The following NOX4 variants were observed in gnomAD, a reference collection of about 807,000 sequenced individuals.
The protein encoded by NOX4 is NADPH oxidase 4.
A neutral mutation model predicts 87.6 loss-of-function variants in NOX4; 69 were observed. The observed-to-expected ratio is 0.79, with a 90% CI of 0.65 to 0.96. The LOEUF (loss-of-function observed/expected upper bound fraction) is 0.96, where lower values mean the gene tolerates loss of function less well. NOX4 is among the 40% of genes least tolerant of loss of function. The probability of loss-of-function intolerance (pLI) is 0.00; values close to 1 mark genes in which losing one functional copy is unlikely to be tolerated. For synonymous variants in NOX4, 275 were observed against 238.2 expected (o/e 1.15, Z -1.42); for missense variants, 680 against 681.5 (o/e 1.00, Z 0.02).
At chr11:89,582,985 A>C in the NOX4 span, among the ~76,000 whole-genome samples, 8 of 152,180 alleles carry the variant, frequency 5.3e-5, no homozygotes, top group African/African-American at 7.2e-5. Flanking sequence ...TAAATAACTG[A>C]ATCACATACA....
chr11:89,506,624 A>G, the NOX4 span, among the ~76,000 whole-genome samples: 1 of 151,804 alleles, frequency 6.6e-6, no homozygotes, highest in African/African-American at 2.4e-5. Context: ...TTCAAAAGTT[A>G]CTGTTAAGAG....
At chr11:89,491,114 C>A (rs1946833587) in intron 1 of NOX4, 76 bp downstream of exon 1, 8 of 1,387,976 alleles carry the variant, frequency 5.8e-6, no homozygotes, top group East Asian at 2.3e-5. Context: ...GCTTCCCACC[C>A]GTGCACGCTC....
chr11:89,336,774 G>A (rs949115424), intron 16 of NOX4, among the ~76,000 whole-genome samples: 7 of 151,958 alleles, frequency 4.6e-5, no homozygotes, highest in Admixed American at 6.6e-5. Context: ...GTAGAAATAC[G>A]ACTGGAAAAC....
the NOX4 span, among the ~76,000 whole-genome samples, chr11:89,558,892 T>C: frequency 1.3e-4 from 20 of 152,038 alleles, no homozygotes; most frequent in Admixed American, 1.2e-3. Context: ...CCATCACAAA[T>C]CATAAGTGCA....
chr11:89,482,048 G>A (rs746828579), intron 2 of NOX4, among the ~76,000 whole-genome samples: 1 of 151,994 alleles, frequency 6.6e-6, no homozygotes, highest in African/African-American at 2.4e-5. Flanking sequence ...ACTCCTCAGA[G>A]GTGCTAATTT....
chr11:89,569,802 G>C, the NOX4 span, among the ~76,000 whole-genome samples: 1 of 151,836 alleles, frequency 6.6e-6, no homozygotes, highest in South Asian at 2.1e-4. Context: ...AGGAGATCGA[G>C]ACCATCTTGG....
the NOX4 span, among the ~76,000 whole-genome samples, chr11:89,564,555 G>A: frequency 6.6e-6 from 1 of 152,016 alleles, no homozygotes; most frequent in Non-Finnish European, 1.5e-5. Context: ...ACCACATCAT[G>A]AACCTTGAAT....
the NOX4 span, among the ~76,000 whole-genome samples, chr11:89,510,966 C>T: frequency 1.1e-4 from 17 of 151,976 alleles, no homozygotes; most frequent in African/African-American, 4.1e-4. Flanking sequence ...ATCTCTTTTC[C>T]TCCTGCTTCA....
In NOX4 at chr11:89,451,766, T is replaced by G; in HGVS notation, c.264+19A>C. ...TGATTTTTATGCTGGAATTTGAAAGTAGGACTGTTTTTTCTTACCTTCTGT... is the reference window on the plus strand; with the variant it reads ...TGATTTTTATGCTGGAATTTGAAAGGAGGACTGTTTTTTCTTACCTTCTGT... On this transcript the variant is annotated intron_variant, in intron 3 of 17. Coordinates refer to ENST00000263317, the MANE Select transcript of NOX4 (RefSeq NM_016931.5). 2 of 1,503,168 alleles carry G rather than the reference T, an allele frequency of 1.3e-6. No homozygotes were observed. Among genetic ancestry groups the G allele is most frequent in the Non-Finnish European group, 1.9e-6 (2 of 1,079,396 alleles). 93.1% of individuals were successfully genotyped at this position (1,503,168 alleles called of 1,614,324 possible).
At chr11:89,422,439 T>C (rs1355816039) in intron 7 of NOX4, among the ~76,000 whole-genome samples, 1 of 152,150 alleles carries the variant, frequency 6.6e-6, no homozygotes, top group Non-Finnish European at 1.5e-5. Context: ...ACCAAAGTGT[T>C]ATATTTTTTC....
At chr11:89,545,945 C>A in the NOX4 span, among the ~76,000 whole-genome samples, 2 of 152,138 alleles carry the variant, frequency 1.3e-5, no homozygotes, top group Non-Finnish European at 2.9e-5. Context: ...TTATGGCACA[C>A]CCATCAGCCC....
chr11:89,430,317 C>T (rs1430576359), intron 7 of NOX4, among the ~76,000 whole-genome samples: 3 of 152,114 alleles, frequency 2.0e-5, no homozygotes, highest in Non-Finnish European at 2.9e-5. Flanking sequence ...CCTCTCTCAC[C>T]CCTCCTATTC....
At chr11:89,430,156 C>T (rs2135303273) in intron 7 of NOX4, among the ~76,000 whole-genome samples, 1 of 152,272 alleles carries the variant, frequency 6.6e-6, no homozygotes, top group East Asian at 1.9e-4. Context: ...TTCAACAACC[C>T]TTCATGCTAA....
At chr11:89,463,244 C>T (rs1945549220) in intron 2 of NOX4, among the ~76,000 whole-genome samples, 1 of 151,880 alleles carries the variant, frequency 6.6e-6, no homozygotes, top group East Asian at 1.9e-4. Context: ...CTGAATTCTA[C>T]ATCCTAGATC....
At chr11:89,456,926 C>T (rs1344811557) in intron 2 of NOX4, among the ~76,000 whole-genome samples, 1 of 152,124 alleles carries the variant, frequency 6.6e-6, no homozygotes, top group Non-Finnish European at 1.5e-5. Flanking sequence ...TGGGATGGGA[C>T]CAGTCCAAAT....
chr11:89,340,957 C>A (rs750674802), intron 14 of NOX4, among the ~76,000 whole-genome samples: 4 of 151,660 alleles, frequency 2.6e-5, no homozygotes, highest in Non-Finnish European at 5.9e-5. Flanking sequence ...TTTATTATTG[C>A]TTTTTTGGTT....
At position 89,444,172 on chromosome 11, in the gene NOX4, T is replaced by C. The variant is rs181612750; in HGVS notation, c.410A>G (p.Asp137Gly). 11 of 1,613,570 alleles carry C rather than the reference T, an allele frequency of 6.8e-6. No homozygotes were observed. In the East Asian group the frequency reaches 2.0e-4, roughly 29 times the overall value. The change falls in exon 5 of 18, where the codon GAC becomes GGC. Residue 137 changes from aspartate (D) to glycine (G), a missense_variant. Physicochemically the swap from Asp to Gly is moderately conservative, Grantham distance 94. Coordinates refer to ENST00000263317, the MANE Select transcript of NOX4 (RefSeq NM_016931.5). The part of the protein sequence containing the change: ...ALNFSVNYSE[D>G]FVELNAARYR... ...TCTTGCTGCATTCAGTTCAACAAAG[T>C]CTTCACTGTAATTCACTGAGAAGTT...
chr11:89,438,576 CTATATAT>C (rs1944223759), intron 6 of NOX4, among the ~76,000 whole-genome samples: 1 of 80,536 alleles, frequency 1.2e-5, no homozygotes, highest in South Asian at 4.2e-4. Flanking sequence ...ATAATATATA[CTATATAT>C]TATATACTAT....
chr11:89,506,207 T>TAGAA, the NOX4 span, among the ~76,000 whole-genome samples: 2 of 94,582 alleles, frequency 2.1e-5, no homozygotes, highest in African/African-American at 4.3e-5. Context: ...TGTCCATTTG[T>TAGAA]AGAAAGAAAG....
Sources: allele counts gnomAD v4.1 joint callset (sites outside exome capture counted in the v4.1 genomes callset), GRCh38; gene constraint gnomAD v4.1.1; transcripts MANE v1.5; gene names NCBI Gene and HGNC (gene_info 2026-07-23, HGNC 2026-07-21).